PDE3A: variants seen among roughly 807,000 people sequenced by gnomAD.
The protein encoded by PDE3A is phosphodiesterase 3A.
A neutral mutation model predicts 98.3 loss-of-function variants in PDE3A; 43 were observed. The ratio of observed to expected loss-of-function variants is 0.44; its 90% CI spans 0.34 to 0.56. The LOEUF (loss-of-function observed/expected upper bound fraction) is 0.56, where lower values mean the gene tolerates loss of function less well. PDE3A is among the 20% of genes least tolerant of loss of function. The probability of loss-of-function intolerance (pLI) is 0.01; values close to 1 mark genes in which losing one functional copy is unlikely to be tolerated. For missense variants in PDE3A, 1,427 were observed against 1,440.7 expected (o/e 0.99, Z 0.15); for synonymous variants, 663 against 567.9 (o/e 1.17, Z -2.38).
rs956379124 is a variant in PDE3A, at chr12:20,635,172, A to C, written c.2001+116A>C. On this transcript the variant is annotated intron_variant, in intron 8 of 15. Transcript: ENST00000359062. ...AAGGTGGCTCACACCTGTAATCCCA[A>C]CATTTTGGGAGGACGAAGCGGGCAG... 11 of 879,230 alleles carry C rather than the reference A, an allele frequency of 1.3e-5. No individual in the cohort carries two copies. In the South Asian group the frequency reaches 1.9e-4, roughly 15 times the overall value. The allele number at this position is 879,230 out of a possible 1,614,324, so 54.5% of individuals were successfully genotyped here.
rs553546360 is a variant in PDE3A at position 20,506,536 on chromosome 12, TG to T, written c.961-50123del. 1.1e-3 allele frequency among the ~76,000 whole-genome samples: 167 copies of T among 152,212 alleles called. 1 individual carries two copies. The highest frequency in any genetic ancestry group is 3.8e-3 in the African/African-American group (160 of 41,562). Reference sequence around the variant, plus strand: ...TTTTGTCATAACATGTAGATTAGTTTGTAATAAGAATCTTATAATTGTATTT... The same window carrying T: ...TTTTGTCATAACATGTAGATTAGTTTTAATAAGAATCTTATAATTGTATTT... On this transcript the variant is annotated intron_variant, in intron 1 of 15. Transcript: ENST00000359062.
chr12:20,543,847 A>T (rs1301439479), intron 1 of PDE3A, among the ~76,000 whole-genome samples: 1 of 152,034 alleles, frequency 6.6e-6, no homozygotes, highest in Non-Finnish European at 1.5e-5. Flanking sequence ...CAGGTATATA[A>T]GGCTTTTTAA....
At chr12:20,425,527 G>C (rs1421997805) in intron 1 of PDE3A, among the ~76,000 whole-genome samples, 1 of 152,128 alleles carries the variant, frequency 6.6e-6, no homozygotes, top group Non-Finnish European at 1.5e-5. Flanking sequence ...TTTAAAAAGA[G>C]CTAGCACTTA....
At chr12:20,422,545 G>A (rs1944537025) in intron 1 of PDE3A, among the ~76,000 whole-genome samples, 2 of 151,910 alleles carry the variant, frequency 1.3e-5, no homozygotes, top group African/African-American at 2.4e-5. Flanking sequence ...TTATTGAGGG[G>A]CCCCCATTAT....
At chr12:20,598,223 C>T (rs1033448437) in intron 2 of PDE3A, among the ~76,000 whole-genome samples, 4 of 151,616 alleles carry the variant, frequency 2.6e-5, no homozygotes, top group African/African-American at 4.9e-5. Flanking sequence ...TGCTCTGTCT[C>T]CCAGGCTGGA....
rs1945435692 is a variant in PDE3A, at chr12:20,670,237, A to C, written c.3185-9793A>C. 3.4e-5 allele frequency among the ~76,000 whole-genome samples: 5 copies of C among 149,118 alleles called. No homozygotes were observed. In the South Asian group the frequency reaches 1.1e-3, roughly 32 times the overall value. On this transcript the variant is annotated intron_variant, in intron 15 of 15. Coordinates refer to ENST00000359062, the MANE Select transcript of PDE3A (RefSeq NM_000921.5). ...CCTACAAAGAGACTTAGACTCCCAC[A>C]CATTAATAATGGGAGACTTTAACAC...
intron 1 of PDE3A, among the ~76,000 whole-genome samples, chr12:20,425,803 G>A (rs1021474848): frequency 6.6e-6 from 1 of 152,116 alleles, no homozygotes; most frequent in Non-Finnish European, 1.5e-5. Context: ...GTAGAGAAGC[G>A]GCAGAATATG....
At chr12:20,583,787 G>GT (rs1365825575) in intron 2 of PDE3A, among the ~76,000 whole-genome samples, 1 of 151,988 alleles carries the variant, frequency 6.6e-6, no homozygotes, top group Non-Finnish European at 1.5e-5. Flanking sequence ...AATGAAAATT[G>GT]TTTTAAGTAA....
chr12:20,486,065 C>T (rs1419117737), intron 1 of PDE3A, among the ~76,000 whole-genome samples: 2 of 152,154 alleles, frequency 1.3e-5, no homozygotes, highest in African/African-American at 4.8e-5. Flanking sequence ...CTTATTTTAG[C>T]CTATCGCTGA....
intron 1 of PDE3A, among the ~76,000 whole-genome samples, chr12:20,396,028 T>C (rs145017474): frequency 1.4e-3 from 213 of 152,134 alleles, no homozygotes; most frequent in African/African-American, 5.0e-3. Flanking sequence ...CCCAAAACAC[T>C]GGGATTACAA....
At chr12:20,598,900 C>G (rs901398104) in intron 2 of PDE3A, among the ~76,000 whole-genome samples, 1 of 152,142 alleles carries the variant, frequency 6.6e-6, no homozygotes, top group Non-Finnish European at 1.5e-5. Flanking sequence ...TTGTGGCAGC[C>G]TTGGTCAAAT....
At position 20,612,727 on chromosome 12, in the gene PDE3A, A is replaced by G. The variant is rs889196150; in HGVS notation, c.1012-716A>G. On this transcript the variant is annotated intron_variant, in intron 2 of 15. Coordinates refer to ENST00000359062, the MANE Select transcript of PDE3A (RefSeq NM_000921.5). ...GTTACTTATATAAGTAATAAACTAT[A>G]TGTAAGTAATATAGTTACTTATATA... 1.4e-4 allele frequency among the ~76,000 whole-genome samples: 16 copies of G among 114,280 alleles called. 1 individual carries two copies. The highest frequency in any genetic ancestry group is 5.7e-4 in the African/African-American group (16 of 28,274). The allele number at this position is 114,280 out of a possible 152,430, so 75.0% of individuals were successfully genotyped here.
intron 3 of PDE3A, among the ~76,000 whole-genome samples, chr12:20,615,227 A>G (rs555399028): frequency 2.0e-5 from 3 of 152,008 alleles, no homozygotes; most frequent in East Asian, 3.9e-4. Context: ...AAGGTCAAGA[A>G]CCACTTTAGA....
chr12:20,673,271 C>T (rs1471430156), intron 15 of PDE3A, among the ~76,000 whole-genome samples: 1 of 151,238 alleles, frequency 6.6e-6, no homozygotes, highest in Non-Finnish European at 1.5e-5. Context: ...ACTAGTTCAA[C>T]CATTGTGGAA....
At chr12:20,562,306 T>C (rs980789043) in intron 2 of PDE3A, among the ~76,000 whole-genome samples, 7 of 149,424 alleles carry the variant, frequency 4.7e-5, no homozygotes, top group Non-Finnish European at 1.0e-4. Context: ...CCGCAACCTC[T>C]GCCTCCCTGG....
chr12:20,478,269 T>C (rs1945563612), intron 1 of PDE3A, among the ~76,000 whole-genome samples: 1 of 152,156 alleles, frequency 6.6e-6, no homozygotes, highest in Admixed American at 6.6e-5. Flanking sequence ...GGAGCAATGA[T>C]TCAAAACAGG....
intron 4 of PDE3A, among the ~76,000 whole-genome samples, chr12:20,618,846 C>T (rs1944070109): frequency 6.6e-6 from 1 of 151,982 alleles, no homozygotes; most frequent in African/African-American, 2.4e-5. Context: ...GTAAACTTGG[C>T]AAAAGAGACT....
chr12:20,633,206 C>T (rs1411292797), intron 6 of PDE3A, among the ~76,000 whole-genome samples: 1 of 152,124 alleles, frequency 6.6e-6, no homozygotes, highest in Non-Finnish European at 1.5e-5. Context: ...CTGCCTTGGC[C>T]TCGAAAAGTG....
At chr12:20,601,827 TGTTTTAAA>T (rs548948805) in intron 2 of PDE3A, among the ~76,000 whole-genome samples, 42 of 152,258 alleles carry the variant, frequency 2.8e-4, no homozygotes, top group Non-Finnish European at 5.3e-4. Context: ...CAGTAGCACT[TGTTTTAAA>T]AGAGATGGTC....
Sources: allele counts gnomAD v4.1 joint callset (sites outside exome capture counted in the v4.1 genomes callset), GRCh38; gene constraint gnomAD v4.1.1; transcripts MANE v1.5; gene names NCBI Gene and HGNC (gene_info 2026-07-23, HGNC 2026-07-21).